Variants in WWP1 observed in about 807,000 individuals in gnomAD.
The protein encoded by WWP1 is WW domain containing E3 ubiquitin protein ligase 1.
A neutral mutation model predicts 130.6 loss-of-function variants in WWP1; 49 were observed. The ratio of observed to expected loss-of-function variants is 0.38; its 90% CI spans 0.30 to 0.48. WWP1 has a LOEUF of 0.48. Ranked by LOEUF, WWP1 falls within the 20% of genes least tolerant of loss-of-function variation. WWP1 has a pLI of 0.99. For missense variants in WWP1, 809 were observed against 1,100.6 expected (o/e 0.74, Z 3.75); for synonymous variants, 332 against 367.8 (o/e 0.90, Z 1.11).
Position 86,467,556 on chromosome 8 carries a change from G to C in WWP1, c.*663G>C, listed in dbSNP as rs558951181. 1 of 152,384 alleles carries C rather than the reference G, an allele frequency of 6.6e-6. No individual in the cohort carries two copies. Among genetic ancestry groups the C allele is most frequent in the East Asian group, 1.9e-4 (1 of 5,178 alleles). The allele number at this position is 152,384 out of a possible 1,614,324, so 9.4% of individuals were successfully genotyped here. A position where few individuals can be genotyped will look rare whatever the true frequency, so the allele number is the denominator to read the frequency against. ...ACTTACACATGAAAGTCATATACTA[G>C]ATCCAATACTATTTAGTTTATTATC... On this transcript the variant is annotated 3_prime_UTR_variant, in exon 25 of 25. Coordinates refer to ENST00000517970, the MANE Select transcript of WWP1 (RefSeq NM_007013.4).
intron 8 of WWP1, among the ~76,000 whole-genome samples, chr8:86,404,301 T>G (rs1808156207): frequency 6.6e-6 from 1 of 152,218 alleles, no homozygotes; most frequent in East Asian, 1.9e-4. Flanking sequence ...ATCTTATTCC[T>G]AAAATATTCA....
chr8:86,363,350 T>C (rs772855966), intron 1 of WWP1, among the ~76,000 whole-genome samples: 1 of 152,246 alleles, frequency 6.6e-6, no homozygotes, highest in Non-Finnish European at 1.5e-5. Context: ...TTTAACTGTC[T>C]GCTTCCTTGA....
chr8:86,424,611 C>G (rs1049419802), intron 9 of WWP1, among the ~76,000 whole-genome samples: 1 of 151,686 alleles, frequency 6.6e-6, no homozygotes, highest in East Asian at 1.9e-4. Context: ...GAGACCAGCC[C>G]GGCCAACACA....
rs562799696 is a variant in WWP1 at position 86,368,712 on chromosome 8, C to T, written c.-114-227C>T. On this transcript the variant is annotated intron_variant, in intron 1 of 24. Transcript: ENST00000517970. ...TTACACTGTCCTTATGTTCCATTGT[C>T]CACTATGCAAGCAGTTCTCTGGATG... 4.6e-5 allele frequency among the ~76,000 whole-genome samples: 7 copies of T among 152,226 alleles called. No homozygotes were observed. The South Asian group carries it at 1.5e-3, about 32-fold the overall frequency.
At chr8:86,390,013 G>A (rs1825549577) in intron 5 of WWP1, among the ~76,000 whole-genome samples, 2 of 151,856 alleles carry the variant, frequency 1.3e-5, no homozygotes, top group African/African-American at 2.4e-5. Flanking sequence ...TCACCTCCCA[G>A]AAGGGGTGGC....
intron 22 of WWP1, among the ~76,000 whole-genome samples, chr8:86,459,708 G>A (rs756446307): frequency 4.6e-5 from 7 of 152,168 alleles, no homozygotes; most frequent in Admixed American, 6.5e-5. Flanking sequence ...TATGCATACC[G>A]TTGTTTGTAA....
chr8:86,378,340 C>T (rs1310145153), intron 3 of WWP1, among the ~76,000 whole-genome samples: 3 of 151,658 alleles, frequency 2.0e-5, no homozygotes, highest in Admixed American at 6.6e-5. Flanking sequence ...TTTTTTTAAG[C>T]CTTTGTTTCC....
chr8:86,393,583 A>C (rs1278229301), intron 5 of WWP1, among the ~76,000 whole-genome samples: 1 of 152,172 alleles, frequency 6.6e-6, no homozygotes, highest in African/African-American at 2.4e-5. Context: ...AGGAAGTAGG[A>C]GCTTAACTTT....
intron 24 of WWP1, among the ~76,000 whole-genome samples, chr8:86,463,649 T>A (rs1039668058): frequency 1.3e-5 from 2 of 151,982 alleles, no homozygotes; most frequent in African/African-American, 2.4e-5. Flanking sequence ...TTCTATTATA[T>A]AATTAAATGT....
In WWP1 at chr8:86,342,691, G is replaced by A. The variant is rs987983093; in HGVS notation, c.-354G>A. On this transcript the variant is annotated 5_prime_UTR_variant, in exon 1 of 25. Coordinates refer to ENST00000517970, the MANE Select transcript of WWP1 (RefSeq NM_007013.4). ...GAGGAAGGGAGGTGTGGGGTCGGCT[G>A]GGGGTGGCGCGTGGACGGGGTGGGG... 9 of 329,784 alleles carry A rather than the reference G, an allele frequency of 2.7e-5. No homozygotes were observed. The highest frequency in any genetic ancestry group is 2.0e-4 in the African/African-American group (9 of 45,008). 20.4% of individuals were successfully genotyped at this position (329,784 alleles called of 1,614,324 possible).
intron 10 of WWP1, among the ~76,000 whole-genome samples, chr8:86,427,176 AAG>A (rs964522597): frequency 6.6e-6 from 1 of 152,038 alleles, no homozygotes; most frequent in Non-Finnish European, 1.5e-5. Flanking sequence ...AAAAAAAAAA[AAG>A]AGGGAGAAAG....
intron 5 of WWP1, among the ~76,000 whole-genome samples, chr8:86,390,381 C>T (rs1031308571): frequency 6.6e-6 from 1 of 152,152 alleles, no homozygotes; most frequent in Non-Finnish European, 1.5e-5. Flanking sequence ...CGAGATCACG[C>T]CACTGCACTC....
At chr8:86,352,286 G>A (rs547107299) in intron 1 of WWP1, among the ~76,000 whole-genome samples, 2 of 151,754 alleles carry the variant, frequency 1.3e-5, no homozygotes, top group East Asian at 1.9e-4. Context: ...GTGCAGTGGC[G>A]CTATCTCGGC....
intron 1 of WWP1, among the ~76,000 whole-genome samples, chr8:86,365,870 A>T (rs1823937789): frequency 6.6e-6 from 1 of 152,188 alleles, no homozygotes; most frequent in Non-Finnish European, 1.5e-5. Flanking sequence ...CATTGAGAAC[A>T]CCAAGTTTAT....
chr8:86,351,870 C>G (rs1360372799), intron 1 of WWP1, among the ~76,000 whole-genome samples: 1 of 152,050 alleles, frequency 6.6e-6, no homozygotes, highest in African/African-American at 2.4e-5. Context: ...TTTGAGATCT[C>G]TGATATGGTC....
At chr8:86,383,264 C>T (rs1056299583) in intron 5 of WWP1, among the ~76,000 whole-genome samples, 12 of 151,814 alleles carry the variant, frequency 7.9e-5, no homozygotes, top group African/African-American at 2.9e-4. Context: ...AGTACCTTGC[C>T]TGGATTATTA....
At chr8:86,409,715 A>AC (rs1009771545) in intron 8 of WWP1, among the ~76,000 whole-genome samples, 14 of 151,646 alleles carry the variant, frequency 9.2e-5, no homozygotes, top group African/African-American at 3.1e-4. Context: ...AGGAAAACTA[A>AC]CCAGGCGTGG....
In WWP1 at chr8:86,412,408, A is replaced by T. The variant is rs189575512; in HGVS notation, c.1061+534A>T. Among the ~76,000 whole-genome samples the T allele has an allele frequency of 2.0e-4, 31 of 152,310 alleles. No individual in the cohort carries two copies. The East Asian group carries it at 5.4e-3, about 26-fold the overall frequency. On this transcript the variant is annotated intron_variant, in intron 9 of 24. Transcript: ENST00000517970. Reference sequence around the variant, plus strand: ...CTTCCCATGATTTTCTTTAAAGAGTATTCTATATGTGTATTCCATTCGGTA... The same window carrying T: ...CTTCCCATGATTTTCTTTAAAGAGTTTTCTATATGTGTATTCCATTCGGTA...
chr8:86,366,286 T>C (rs1823960973), intron 1 of WWP1, among the ~76,000 whole-genome samples: 1 of 152,214 alleles, frequency 6.6e-6, no homozygotes. Flanking sequence ...GGGTGAGTTG[T>C]TGGCATAGAT....
Sources: gnomAD v4.1 joint callset for allele counts (sites outside exome capture counted in the v4.1 genomes callset) on GRCh38, gnomAD v4.1.1 for gene constraint, MANE v1.5 for transcripts, NCBI Gene and HGNC (gene_info 2026-07-23, HGNC 2026-07-21) for gene names.